The following ADAM2 variants were observed in gnomAD, a reference collection of about 807,000 sequenced individuals.
The protein encoded by ADAM2 is disintegrin and metalloproteinase domain-containing protein 2.
A neutral mutation model predicts 99.3 loss-of-function variants in ADAM2; 101 were observed. The observed-to-expected ratio is 1.02, with a 90% CI of 0.87 to 1.20. ADAM2 has a LOEUF of 1.20. Ranked by LOEUF, ADAM2 falls within the 50% of genes most tolerant of loss-of-function variation. The probability of loss-of-function intolerance (pLI) is 0.00; values close to 1 mark genes in which losing one functional copy is unlikely to be tolerated. For synonymous variants in ADAM2, 323 were observed against 287.6 expected (o/e 1.12, Z -1.25); for missense variants, 948 against 878.7 (o/e 1.08, Z -1.00).
In ADAM2 at chr8:39,837,124, G is replaced by C. The variant is rs201872944; in HGVS notation, c.132+12C>G. 64 of 1,567,372 alleles carry C rather than the reference G, an allele frequency of 4.1e-5. No individual in the cohort carries two copies. The highest frequency in any genetic ancestry group is 5.3e-5 in the Non-Finnish European group (61 of 1,147,370). On this transcript the variant is annotated intron_variant, in intron 2 of 20. Transcript: ENST00000265708. ...CATTTTAAATTTGTAAATACTGTTA[G>C]TGATTCATTACCTGCGATTCAATTC...
In ADAM2 at chr8:39,838,137, C is replaced by G; in HGVS notation, c.49G>C (p.Asp17His). ...LLSGLGGLRM[D>H]SNFDSLPVQI... Reference sequence around the variant, plus strand: ...GAGGGGTTTTTCTGCTTACTACTGTCCATCCGCAGCCCGCCGAGCCCGCTG... The same window carrying G: ...GAGGGGTTTTTCTGCTTACTACTGTGCATCCGCAGCCCGCCGAGCCCGCTG... The change falls in exon 1 of 21, where the codon GAC becomes CAC. Residue 17 changes from aspartate (D) to histidine (H), a missense_variant. By Grantham distance (81) the Asp-to-His change is moderately conservative (BLOSUM62 -1). Transcript: ENST00000265708. 5 of 1,614,126 alleles carry G rather than the reference C, an allele frequency of 3.1e-6. No individual in the cohort carries two copies. Among genetic ancestry groups the G allele is most frequent in the Non-Finnish European group, 4.2e-6 (5 of 1,180,038 alleles).
At chr8:39,797,660 T>C (rs191035725) in intron 7 of ADAM2, among the ~76,000 whole-genome samples, 17 of 152,378 alleles carry the variant, frequency 1.1e-4, no homozygotes, top group East Asian at 9.6e-4. Context: ...TTTCATGATA[T>C]TGATTCTTCC....
intron 7 of ADAM2, among the ~76,000 whole-genome samples, chr8:39,806,374 G>T (rs1409924590): frequency 6.6e-6 from 1 of 151,496 alleles, no homozygotes; most frequent in Non-Finnish European, 1.5e-5. Context: ...TAGAAACAAC[G>T]ATTTCAAGAT....
intron 4 of ADAM2, 82 bp downstream of exon 4, chr8:39,824,737 G>T (rs527404475): frequency 3.9e-6 from 3 of 769,466 alleles, no homozygotes; most frequent in South Asian, 3.1e-5. Context: ...CAACACTTTA[G>T]ACTCTAATAA....
Position 39,766,904 on chromosome 8 carries a change from C to G in ADAM2, c.1451G>C (p.Cys484Ser). ...CCCACTCATACAAACTCCATCTATA[C>G]AGATCCATTGATTCAGTCCACACGG... ...GHPCGLNQWI[C>S]IDGVCMSGDK... Residue 484 changes from cysteine to serine, a missense_variant, in exon 14 of 21, where the codon TGT (cysteine) becomes TCT (serine). Physicochemically the swap from Cys to Ser is moderately radical, Grantham distance 112. Transcript: ENST00000265708. 6.2e-7 allele frequency: 1 copy of G among 1,614,106 alleles called. No individual in the cohort carries two copies. The highest frequency in any genetic ancestry group is 8.5e-7 in the Non-Finnish European group (1 of 1,179,986).
rs112330419 is a variant in ADAM2 at position 39,833,714 on chromosome 8, T to A, written c.188+230A>T. Among the ~76,000 whole-genome samples, 33 of 152,166 alleles carry A rather than the reference T, an allele frequency of 2.2e-4. 2 individuals are homozygous for A. Among genetic ancestry groups the A allele is most frequent in the African/African-American group, 7.7e-4 (32 of 41,512 alleles). ...TTCATCCTTTATGAAACCTCTTGGA[T>A]CACCAAATAAAAATTTGGTGCTACT... is the stretch of plus-strand genomic sequence containing the variant. On this transcript the variant is annotated intron_variant, in intron 3 of 20. Transcript: ENST00000265708.
chr8:39,806,435 G>A (rs927170845), intron 7 of ADAM2, among the ~76,000 whole-genome samples: 21 of 149,142 alleles, frequency 1.4e-4, no homozygotes, highest in Non-Finnish European at 2.4e-4. Flanking sequence ...AAAATGTCCC[G>A]TTTTCAACAA....
intron 20 of ADAM2, 131 bp downstream of exon 20, chr8:39,744,699 C>A: frequency 1.8e-6 from 1 of 547,322 alleles, no homozygotes; most frequent in African/African-American, 1.9e-5. Context: ...GGCTTAAAAC[C>A]TAGATGACGG....
chr8:39,747,710 C>T (rs943102360), intron 18 of ADAM2, among the ~76,000 whole-genome samples: 26 of 152,080 alleles, frequency 1.7e-4, no homozygotes, highest in Admixed American at 2.0e-4. Flanking sequence ...TCCTAGAGTG[C>T]CTTATTAACA....
Position 39,777,118 on chromosome 8 carries a change from G to T in ADAM2, c.935C>A (p.Ala312Asp). The change falls in exon 11 of 21, where the codon GCT becomes GAT. Residue 312 changes from alanine to aspartate, a missense_variant. Physicochemically the swap from Ala to Asp is moderately radical, Grantham distance 126. Coordinates refer to ENST00000265708, the MANE Select transcript of ADAM2 (RefSeq NM_001464.5). ...ISLESLAVILAQLLSLSMGIT... is the reference protein window; with the variant it reads ...ISLESLAVILDQLLSLSMGIT... ...CCCCATACTAAGGCTCAATAATTGA[G>T]CTAAAATAACTGCAAGTGATTCCAG... is the stretch of plus-strand genomic sequence containing the variant. 1 of 1,610,740 alleles carries T rather than the reference G, an allele frequency of 6.2e-7. No individual in the cohort carries two copies. Among genetic ancestry groups the T allele is most frequent in the Non-Finnish European group, 8.5e-7 (1 of 1,177,496 alleles).
intron 6 of ADAM2, among the ~76,000 whole-genome samples, chr8:39,815,483 G>A (rs61445709): frequency 0.21 from 31,500 of 152,038 alleles, 4,011 homozygotes; most frequent in African/African-American, 0.35. Context: ...AATAAAATGA[G>A]ATAGAATAGG....
rs1029183636 is a variant in ADAM2, at chr8:39,743,736, T to C, written c.*359A>G. 5.3e-5 allele frequency: 8 copies of C among 152,104 alleles called. No homozygotes were observed. The highest frequency in any genetic ancestry group is 2.0e-4 in the Admixed American group (3 of 15,266). 9.4% of individuals were successfully genotyped at this position (152,104 alleles called of 1,614,324 possible). The stretch of plus-strand genomic sequence containing the variant: ...ATAACATAACACATACCATTGCAAT[T>C]TGAAATGTAACAGTGGCTTTTAATC... On this transcript the variant is annotated 3_prime_UTR_variant, in exon 21 of 21. Transcript: ENST00000265708.
chr8:39,764,033 A>G (rs1802470064), intron 14 of ADAM2, among the ~76,000 whole-genome samples: 2 of 152,216 alleles, frequency 1.3e-5, no homozygotes, highest in Non-Finnish European at 2.9e-5. Flanking sequence ...CAGGTTGCCA[A>G]TCAAATAGTC....
chr8:39,825,294 G>A (rs1805354575), intron 3 of ADAM2, among the ~76,000 whole-genome samples: 1 of 152,070 alleles, frequency 6.6e-6, no homozygotes, highest in South Asian at 2.1e-4. Flanking sequence ...CCAAAGCATA[G>A]GATTTTTAAA....
intron 18 of ADAM2, among the ~76,000 whole-genome samples, chr8:39,748,272 A>C (rs1297163853): frequency 6.6e-6 from 1 of 152,176 alleles, no homozygotes; most frequent in East Asian, 1.9e-4. Context: ...CATTTTATTG[A>C]TCAATCATAC....
intron 7 of ADAM2, among the ~76,000 whole-genome samples, chr8:39,802,835 G>A (rs767737921): frequency 2.0e-5 from 3 of 152,170 alleles, no homozygotes; most frequent in South Asian, 2.1e-4. Flanking sequence ...AAAAAAAATC[G>A]TTTGTTCTAG....
intron 16 of ADAM2, among the ~76,000 whole-genome samples, chr8:39,750,179 TA>T (rs1823670861): frequency 3.3e-5 from 5 of 151,998 alleles, no homozygotes; most frequent in Admixed American, 3.3e-4. Context: ...CAGAGTATTA[TA>T]AAAAAAGAAG....
chr8:39,762,219 A>G (rs1417664353), intron 14 of ADAM2, among the ~76,000 whole-genome samples: 1 of 152,254 alleles, frequency 6.6e-6, no homozygotes, highest in Non-Finnish European at 1.5e-5. Flanking sequence ...TTGCTGCAGC[A>G]TGAATGCTCA....
chr8:39,756,034 T>C, intron 15 of ADAM2, 123 bp from the exon 16 acceptor site: 2 of 513,582 alleles, frequency 3.9e-6, no homozygotes, highest in Admixed American at 4.0e-5. Flanking sequence ...ATGCAATTCG[T>C]TTTAAAACAC....
Sources: allele counts gnomAD v4.1 joint callset (sites outside exome capture counted in the v4.1 genomes callset), GRCh38; gene constraint gnomAD v4.1.1; transcripts MANE v1.5; gene names NCBI Gene and HGNC (gene_info 2026-07-23, HGNC 2026-07-21).